Variants in SH3RF1 observed in about 807,000 individuals in gnomAD.
SH3RF1 encodes E3 ubiquitin-protein ligase SH3RF1.
Under a neutral mutation model 74.0 loss-of-function variants are expected in SH3RF1, and 32 were observed. The ratio of observed to expected loss-of-function variants is 0.43; its 90% CI spans 0.33 to 0.58. SH3RF1 has a LOEUF of 0.58. SH3RF1 is among the 20% of genes least tolerant of loss of function. The probability of loss-of-function intolerance (pLI) is 0.05; values close to 1 mark genes in which losing one functional copy is unlikely to be tolerated. For synonymous variants in SH3RF1, 396 were observed against 439.6 expected, an observed-to-expected ratio of 0.90 and a Z score of 1.24; for missense variants, 954 against 1,130.9, an observed-to-expected ratio of 0.84 and a Z score of 2.24.
intron 2 of SH3RF1, among the ~76,000 whole-genome samples, chr4:169,255,612 CAT>C (rs1491303087): frequency 8.5e-6 from 1 of 117,500 alleles, no homozygotes; most frequent in Non-Finnish European, 1.8e-5. Context: ...TACACACATA[CAT>C]ACACACATAC....
intron 2 of SH3RF1, among the ~76,000 whole-genome samples, chr4:169,210,904 G>C (rs1730350183): frequency 6.6e-6 from 1 of 152,080 alleles, no homozygotes; most frequent in African/African-American, 2.4e-5. Context: ...TCTGGCTCAG[G>C]GACTTCCCGA....
intron 3 of SH3RF1, 38 bp downstream of exon 3, chr4:169,156,366 G>C (rs762614408): frequency 1.3e-6 from 2 of 1,523,162 alleles, no homozygotes; most frequent in East Asian, 4.5e-5. Flanking sequence ...TACAGAGGTA[G>C]AGCTGGCAAA....
intron 2 of SH3RF1, among the ~76,000 whole-genome samples, chr4:169,256,798 C>T (rs898745797): frequency 1.3e-5 from 2 of 152,116 alleles, no homozygotes; most frequent in East Asian, 1.9e-4. Flanking sequence ...GATGGGGATC[C>T]GACTATGTTG....
intron 5 of SH3RF1, among the ~76,000 whole-genome samples, chr4:169,132,054 C>T (rs1298091682): frequency 6.6e-6 from 1 of 152,202 alleles, no homozygotes; most frequent in Non-Finnish European, 1.5e-5. Context: ...CTGGCGTGTA[C>T]TTTCATTTTT....
chr4:169,231,541 G>A (rs920232637), intron 2 of SH3RF1, among the ~76,000 whole-genome samples: 18 of 151,996 alleles, frequency 1.2e-4, no homozygotes, highest in Non-Finnish European at 2.1e-4. Context: ...TCTCCTGTCT[G>A]GGTGACACAG....
intron 2 of SH3RF1, among the ~76,000 whole-genome samples, chr4:169,176,575 C>CT (rs1456908375): frequency 6.6e-6 from 1 of 152,130 alleles, no homozygotes; most frequent in Non-Finnish European, 1.5e-5. Flanking sequence ...GAGTCTCACT[C>CT]TGTCACCCAG....
intron 2 of SH3RF1, among the ~76,000 whole-genome samples, chr4:169,255,049 G>GA (rs1731163891): frequency 6.6e-6 from 1 of 152,076 alleles, no homozygotes; most frequent in Admixed American, 6.5e-5. Flanking sequence ...ATGTTTAACA[G>GA]AAAAAAGAAC....
chr4:169,202,135 G>A (rs867097272), intron 2 of SH3RF1, among the ~76,000 whole-genome samples: 4 of 152,074 alleles, frequency 2.6e-5, no homozygotes, highest in African/African-American at 9.7e-5. Flanking sequence ...TCTGACCTCA[G>A]GATATAGATA....
chr4:169,154,957 G>A (rs1734028350), intron 4 of SH3RF1, among the ~76,000 whole-genome samples: 1 of 152,152 alleles, frequency 6.6e-6, no homozygotes, highest in African/African-American at 2.4e-5. Context: ...AGCTTTCCAA[G>A]CAAAGCTGAT....
Position 169,107,002 on chromosome 4 carries a change from G to T in SH3RF1, c.2343C>A (p.Val781=). Residue 781 remains valine (V), a synonymous_variant, in exon 11 of 12, where the codon GTC becomes GTA. Coordinates refer to ENST00000284637, the MANE Select transcript of SH3RF1 (RefSeq NM_020870.4). ...GGGCTGCTCCTGCCACTGCAGTCGTGACCGGTCCGTCCCCGTCCACAGGGC... is the reference window on the plus strand; with the variant it reads ...GGGCTGCTCCTGCCACTGCAGTCGTTACCGGTCCGTCCCCGTCCACAGGGC... The part of the protein sequence containing the change: ...GSCPVDGDGP[V]TTAVAGAALA... 1 of 1,613,934 alleles carries T rather than the reference G, an allele frequency of 6.2e-7. No homozygotes were observed. The highest frequency in any genetic ancestry group is 1.1e-5 in the South Asian group (1 of 91,074).
intron 2 of SH3RF1, among the ~76,000 whole-genome samples, chr4:169,208,294 G>A (rs1312552564): frequency 6.6e-6 from 1 of 151,790 alleles, no homozygotes; most frequent in Non-Finnish European, 1.5e-5. Flanking sequence ...TCTTCTATAG[G>A]AATTTCATTC....
rs192851407 is a variant in SH3RF1 at position 169,222,320 on chromosome 4, C to G, written c.393+46500G>C. ...CTCTACTAAAAATACAAAAAATTAG[C>G]CAGGCATGGTAGCAGACACCTGTAG... is the stretch of plus-strand genomic sequence containing the variant. On this transcript the variant is annotated intron_variant, in intron 2 of 11. Coordinates refer to ENST00000284637, the MANE Select transcript of SH3RF1 (RefSeq NM_020870.4). Among the ~76,000 whole-genome samples, 4 of 152,018 alleles carry G rather than the reference C, an allele frequency of 2.6e-5. 1 individual carries two copies. The highest frequency in any genetic ancestry group is 9.6e-5 in the African/African-American group (4 of 41,482).
chr4:169,130,122 G>A lies in SH3RF1; in HGVS notation c.1103C>T (p.Pro368Leu), dbSNP rs1167340655. The A allele has an allele frequency of 4.4e-6, 7 of 1,604,976 alleles. No individual in the cohort carries two copies. Among genetic ancestry groups the A allele is most frequent in the South Asian group, 1.1e-5 (1 of 89,806 alleles). ...AGTTGTCACTGGGCTGCTTGGGGGC[G>A]GGGTCACAATTAACCCGGTGGTACT... Reference protein sequence around the residue: ...HISTTGLIVTPPPSSPVTTGP... With the variant: ...HISTTGLIVTLPPSSPVTTGP... The change falls in exon 6 of 12, where the codon CCG (proline) becomes CTG (leucine). Residue 368 changes from proline to leucine, a missense_variant. Transcript: ENST00000284637.
Position 169,136,560 on chromosome 4 carries a change from C to G in SH3RF1, c.826G>C (p.Ala276Pro), listed in dbSNP as rs760101038. The G allele has an allele frequency of 6.2e-7, 1 of 1,600,244 alleles. No homozygotes were observed. Among genetic ancestry groups the G allele is most frequent in the Non-Finnish European group, 8.5e-7 (1 of 1,173,936 alleles). The change falls in exon 5 of 12, where the codon GCT becomes CCT. Residue 276 changes from alanine (A) to proline (P), a missense_variant. Ala to Pro is a conservative substitution (Grantham distance 27). Around this residue, in one of 3 missense-constraint regions of SH3RF1, gnomAD observed 854 missense variants for 962.5 expected, o/e 0.89. Transcript: ENST00000284637. ...GCTGCTGCCGAGGAACATTCTCCAG[C>G]ATCAACTCCTGGCACAGGAGGCTTA... is the stretch of plus-strand genomic sequence containing the variant. ...WDKPPVPGVDAGECSSAAAQS... is the reference protein window; with the variant it reads ...WDKPPVPGVDPGECSSAAAQS...
intron 4 of SH3RF1, among the ~76,000 whole-genome samples, chr4:169,142,919 T>C (rs553954777): frequency 1.4e-3 from 188 of 130,940 alleles, no homozygotes; most frequent in African/African-American, 4.7e-3. Context: ...AAGGTTTTTG[T>C]TTTTGGATGA....
At chr4:169,232,226 T>C (rs990470567) in intron 2 of SH3RF1, among the ~76,000 whole-genome samples, 2 of 152,184 alleles carry the variant, frequency 1.3e-5, no homozygotes, top group African/African-American at 4.8e-5. Context: ...TTTGGACTAT[T>C]GTTAAGGAAT....
At chr4:169,243,973 A>G (rs771133395) in intron 2 of SH3RF1, among the ~76,000 whole-genome samples, 7 of 152,196 alleles carry the variant, frequency 4.6e-5, no homozygotes, top group Admixed American at 4.6e-4. Context: ...GCCAAAGTCA[A>G]TATGTGAAGT....
intron 2 of SH3RF1, among the ~76,000 whole-genome samples, chr4:169,262,209 C>CA (rs34870723): frequency 6.6e-6 from 1 of 151,834 alleles, no homozygotes; most frequent in East Asian, 1.9e-4. Context: ...TCTAGTTCTG[C>CA]AAAAAATCAA....
At chr4:169,212,387 C>A (rs759958427) in intron 2 of SH3RF1, among the ~76,000 whole-genome samples, 3 of 152,078 alleles carry the variant, frequency 2.0e-5, no homozygotes, top group African/African-American at 4.8e-5. Flanking sequence ...CTAAAAGATT[C>A]TCTGAAATAT....
Sources: gnomAD v4.1 joint callset for allele counts (sites outside exome capture counted in the v4.1 genomes callset) on GRCh38, gnomAD v4.1.1 for gene constraint, gnomAD v4.1.1 regional missense constraint, MANE v1.5 for transcripts, NCBI Gene and HGNC (gene_info 2026-07-23, HGNC 2026-07-21) for gene names.